AHRR: variants seen among roughly 807,000 people sequenced by gnomAD.
AHRR encodes the protein ahR repressor.
A neutral mutation model predicts 44.0 loss-of-function variants in AHRR; 28 were observed. The observed-to-expected ratio is 0.64, with a 90% CI of 0.47 to 0.87. AHRR has a LOEUF of 0.87. AHRR is among the 40% of genes least tolerant of loss of function. The pLI is 0.00. For missense variants in AHRR, 990 were observed against 953.9 expected, an observed-to-expected ratio of 1.04 and a Z score of -0.50; for synonymous variants, 434 against 407.0, an observed-to-expected ratio of 1.07 and a Z score of -0.80.
chr5:399,363 T>C (rs771967928), intron 4 of AHRR, among the ~76,000 whole-genome samples: 1 of 152,256 alleles, frequency 6.6e-6, no homozygotes, highest in Non-Finnish European at 1.5e-5. Flanking sequence ...GTCTGCTTCT[T>C]GTGAAGTGCG....
At chr5:375,567 A>G (rs770968056) in intron 3 of AHRR, among the ~76,000 whole-genome samples, 1 of 152,216 alleles carries the variant, frequency 6.6e-6, no homozygotes, top group African/African-American at 2.4e-5. Context: ...GCGTGATGAC[A>G]GTTTTTATGC....
chr5:352,456 C>T (rs942836526), intron 2 of AHRR, among the ~76,000 whole-genome samples: 6 of 137,134 alleles, frequency 4.4e-5, no homozygotes, highest in Non-Finnish European at 9.5e-5. Context: ...TTAAATGGGT[C>T]AGCTGTAGGG....
intron 3 of AHRR, chr5:367,781 C>T (rs1216452779): frequency 2.9e-6 from 2 of 697,360 alleles, no homozygotes; most frequent in Non-Finnish European, 5.2e-6. Context: ...TGGGTTCTGT[C>T]CCCCTCCTTC....
At chr5:415,679 G>GGCTGGGA (rs1735765808) in intron 5 of AHRR, among the ~76,000 whole-genome samples, 1 of 149,624 alleles carries the variant, frequency 6.7e-6, no homozygotes, top group Non-Finnish European at 1.5e-5. Context: ...CTGCCTGGTC[G>GGCTGGGA]GGCGGGAGGC....
intron 1 of AHRR, among the ~76,000 whole-genome samples, chr5:335,563 C>T (rs912660895): frequency 1.8e-4 from 27 of 152,196 alleles, no homozygotes; most frequent in Admixed American, 5.9e-4. Flanking sequence ...TGCTCTAGCC[C>T]CCTGAGTGCA....
Position 333,951 on chromosome 5 carries a change from C to T in AHRR, c.-10-9942C>T, listed in dbSNP as rs2126336176. 1.3e-5 allele frequency among the ~76,000 whole-genome samples: 2 copies of T among 152,212 alleles called. 1 individual carries two copies. The highest frequency in any genetic ancestry group is 3.9e-4 in the East Asian group (2 of 5,180). ...CTCAGATCGGCTTTTCTGGGAAAGA[C>T]TTTATTTCTCCTTCATTTATGAAGG... is the stretch of plus-strand genomic sequence containing the variant. On this transcript the variant is annotated intron_variant, in intron 1 of 10. Transcript: ENST00000684583.
At position 370,084 on chromosome 5, in the gene AHRR, GA is replaced by G. The variant is rs544736764; in HGVS notation, c.245-6524del. ...GCCCCATCCTCCCGGGCCCTCGCTG[GA>G]AGCCCCGTCCTCCCGGGCCCTCGCT... On this transcript the variant is annotated intron_variant, in intron 3 of 10. Coordinates refer to ENST00000684583, the MANE Select transcript of AHRR (RefSeq NM_001377236.1). This position sits in a 1 kb window ranked among gnomAD's most constrained non-coding sequence, Gnocchi z 4.5. 1.4e-3 allele frequency among the ~76,000 whole-genome samples: 211 copies of G among 149,378 alleles called. 1 individual carries two copies. The highest frequency in any genetic ancestry group is 4.2e-3 in the African/African-American group (168 of 39,588).
At position 434,160 on chromosome 5, in the gene AHRR, G is replaced by A; in HGVS notation, c.1420G>A (p.Asp474Asn). 6.2e-7 allele frequency: 1 copy of A among 1,606,164 alleles called. No individual in the cohort carries two copies. Among genetic ancestry groups the A allele is most frequent in the Non-Finnish European group, 8.5e-7 (1 of 1,176,626 alleles). The change falls in exon 11 of 11, where the codon GAC becomes AAC. Residue 474 changes from aspartate to asparagine, a missense_variant. Physicochemically the swap from Asp to Asn is conservative, Grantham distance 23 (BLOSUM62 1). Transcript: ENST00000684583. ...CAGACCCATGCGGGATGTCGGTGAG[G>A]ACCAGGTGCACCCTCCCCTCTGCCA... ...TSRPMRDVGE[D>N]QVHPPLCHFP...
intron 4 of AHRR, among the ~76,000 whole-genome samples, chr5:381,637 C>T (rs1047975846): frequency 6.6e-6 from 1 of 151,058 alleles, no homozygotes; most frequent in African/African-American, 2.4e-5. Context: ...GCCTCAGCCT[C>T]CCAAGTAGCT....
At chr5:349,305 C>A (rs996713261) in intron 2 of AHRR, among the ~76,000 whole-genome samples, 1 of 152,272 alleles carries the variant, frequency 6.6e-6, no homozygotes, top group East Asian at 1.9e-4. Flanking sequence ...TGGCTGGGCG[C>A]GGTGGCTCAC....
chr5:367,170 C>T (rs1006252774), intron 3 of AHRR, among the ~76,000 whole-genome samples: 8 of 152,208 alleles, frequency 5.3e-5, no homozygotes, highest in Admixed American at 5.2e-4. Context: ...AAGTGAGTCC[C>T]TGGGGGGTCG....
intron 1 of AHRR, among the ~76,000 whole-genome samples, chr5:343,214 A>T (rs1187597065): frequency 6.7e-6 from 1 of 150,186 alleles, no homozygotes; most frequent in Non-Finnish European, 1.5e-5. Flanking sequence ...ACCCTCTCAG[A>T]GGTGACAGAA....
intron 4 of AHRR, among the ~76,000 whole-genome samples, chr5:376,984 G>A (rs1284507925): frequency 1.3e-5 from 2 of 152,194 alleles, no homozygotes; most frequent in Non-Finnish European, 2.9e-5. Flanking sequence ...GCTACATCAG[G>A]AAATCATCCT....
At chr5:415,476 GGTGGGAGGC>G (rs1735718988) in intron 5 of AHRR, among the ~76,000 whole-genome samples, 3 of 117,690 alleles carry the variant, frequency 2.5e-5, no homozygotes, top group African/African-American at 9.3e-5. Flanking sequence ...TGCCTGGTCG[GGTGGGAGGC>G]CTAGGGGCCG....
At chr5:379,158 G>C (rs1270019004) in intron 4 of AHRR, among the ~76,000 whole-genome samples, 1 of 152,216 alleles carries the variant, frequency 6.6e-6, no homozygotes, top group African/African-American at 2.4e-5. Flanking sequence ...TTGGAGGCCA[G>C]CTTCAGTCAG....
chr5:365,051 A>G (rs1049964743), intron 3 of AHRR, among the ~76,000 whole-genome samples: 4 of 152,148 alleles, frequency 2.6e-5, no homozygotes, highest in Admixed American at 2.6e-4. Context: ...TCAGAGAGAA[A>G]TATTTTAAAT....
In AHRR at chr5:353,744, G is replaced by T. The variant is rs2126394754; in HGVS notation, c.77G>T (p.Gly26Val). 1 of 1,610,928 alleles carries T rather than the reference G, an allele frequency of 6.2e-7. No homozygotes were observed. Among genetic ancestry groups the T allele is most frequent in the East Asian group, 2.2e-5 (1 of 44,866 alleles). The change falls in exon 3 of 11, where the codon GGG (glycine) becomes GTG (valine). Residue 26 changes from glycine (G) to valine (V), a missense_variant. By Grantham distance (109) the Gly-to-Val change is moderately radical. Transcript: ENST00000684583. ...RPLQKQRPAV[G>V]AEKSNPSKRH... ...TCTCCCCACAGGAGGCCCGCCGTGG[G>T]GGCAGAGAAGTCCAACCCCTCCAAG...
chr5:376,544 G>A lies in AHRR; in HGVS notation c.245-66G>A, dbSNP rs757499198. The A allele has an allele frequency of 1.0e-3, 1,414 of 1,405,190 alleles. 5 individuals are homozygous for A. The highest frequency in any genetic ancestry group is 0.01 in the African/African-American group (687 of 68,348). The allele number at this position is 1,405,190 out of a possible 1,614,324, so 87.0% of individuals were successfully genotyped here. On this transcript the variant is annotated intron_variant, in intron 3 of 10. Transcript: ENST00000684583. ...GAACGCGGGGAAACACAGGAAAGAT[G>A]TGAATGAAGAAGAGTGGCCAGGCCA...
chr5:365,046 G>A (rs1189930721), intron 3 of AHRR, among the ~76,000 whole-genome samples: 1 of 151,586 alleles, frequency 6.6e-6, no homozygotes, highest in African/African-American at 2.4e-5. Flanking sequence ...CATCATCAGA[G>A]AGAAATATTT....
Sources: gnomAD v4.1 joint callset for allele counts (sites outside exome capture counted in the v4.1 genomes callset) on GRCh38, gnomAD v4.1.1 for gene constraint, Gnocchi (gnomAD v3.1) non-coding constraint, MANE v1.5 for transcripts, NCBI Gene and HGNC (gene_info 2026-07-23, HGNC 2026-07-21) for gene names.